TAF6: variants seen among roughly 807,000 people sequenced by gnomAD.
TAF6 encodes TATA-box binding protein associated factor 6.
In TAF6, 50 loss-of-function variants were observed where a neutral mutation model predicts 73.5. The ratio of observed to expected loss-of-function variants is 0.68; its 90% CI spans 0.54 to 0.86. The LOEUF (loss-of-function observed/expected upper bound fraction) is 0.86. Among genes scored for constraint, TAF6 ranks in the 40% least tolerant of loss-of-function variants. TAF6 has a pLI of 0.00. For missense variants in TAF6, 768 were observed against 899.5 expected (o/e 0.85, Z 1.87); for synonymous variants, 424 against 376.7 (o/e 1.13, Z -1.45).
upstream of TAF6, chr7:100,121,116 A>ATATATACATATAT (rs1584585316): frequency 1.9e-5 from 1 of 52,800 alleles, no homozygotes. Flanking sequence ...ATATATATAT[A>ATATATACATATAT]TTTTTTTTTT....
At chr7:100,122,088 C>A, upstream of TAF6, 4 of 638,516 alleles carry the variant, frequency 6.3e-6, no homozygotes, top group Non-Finnish European at 7.7e-6. Context: ...CGAGGCACAG[C>A]AAGCAGGAAG....
chr7:100,111,657 G>C, intron 9 of TAF6, 71 bp downstream of exon 9: 1 of 1,509,146 alleles, frequency 6.6e-7, no homozygotes, highest in Non-Finnish European at 9.2e-7. Flanking sequence ...AGCCACTGCT[G>C]ACCACTGACT....
upstream of TAF6, among the ~76,000 whole-genome samples, chr7:100,120,854 C>T (rs1413192739): frequency 6.6e-6 from 1 of 151,942 alleles, no homozygotes; most frequent in Non-Finnish European, 1.5e-5. Flanking sequence ...CACAGCTTGT[C>T]ATCCTTGGTT....
rs751129220 is a variant in TAF6 at position 100,112,858 on chromosome 7, G to A, written c.514C>T (p.Gln172Ter). The A allele has an allele frequency of 6.2e-7, 1 of 1,613,958 alleles. No individual in the cohort carries two copies. Among genetic ancestry groups the A allele is most frequent in the Non-Finnish European group, 8.5e-7 (1 of 1,179,876 alleles). The change falls in exon 6 of 15, where the codon CAG becomes TAG. Residue 172 changes from glutamine (Q) to a stop codon, truncating the protein, a stop_gained. Coordinates refer to ENST00000453269, the MANE Select transcript of TAF6 (RefSeq NM_139315.3). LOFTEE classifies it high-confidence loss of function. ...CCCTTCAGGGGTCCGTCTTCCTCCT[G>A]GCCTGGCTTGGCTGACTTCAGGGGT... ...TEPLKSAKPG[Q>*]EEDGPLKGKG...
chr7:100,113,063 G>C (rs1305929076), intron 5 of TAF6, 146 bp from the exon 6 acceptor site: 2 of 1,215,006 alleles, frequency 1.6e-6, no homozygotes, highest in Admixed American at 4.7e-5. Context: ...TCAGAAGTTC[G>C]AGACCAGCCT....
chr7:100,112,009 G>A lies in TAF6; in HGVS notation c.721-10C>T. Reference sequence around the variant, plus strand: ...TGCTTTGCAGGGCTTCCTGTGGGAGGAGGGAAGCCAGTCAGGTGGGGGTGG... The same window carrying A: ...TGCTTTGCAGGGCTTCCTGTGGGAGAAGGGAAGCCAGTCAGGTGGGGGTGG... On this transcript the variant is annotated splice_polypyrimidine_tract_variant and intron_variant, in intron 7 of 14. Coordinates refer to ENST00000453269, the MANE Select transcript of TAF6 (RefSeq NM_139315.3). The A allele has an allele frequency of 6.2e-7, 1 of 1,613,998 alleles. No homozygotes were observed. Among genetic ancestry groups the A allele is most frequent in the South Asian group, 1.1e-5 (1 of 91,076 alleles).
chr7:100,110,253 G>A lies in TAF6; in HGVS notation c.1105C>T (p.Pro369Ser), dbSNP rs1264665199. 3 of 1,614,112 alleles carry A rather than the reference G, an allele frequency of 1.9e-6. No homozygotes were observed. Among genetic ancestry groups the A allele is most frequent in the Non-Finnish European group, 2.5e-6 (3 of 1,180,002 alleles). ...ATGGAGCCATAACGAGTCGTCCAGG[G>A]CGTCTTCTCGTCCACCCAGCTCTGT... ...FTKSWVDEKT[P>S]WTTRYGSIAG... Residue 369 changes from proline (P) to serine (S), a missense_variant, in exon 11 of 15, where the codon CCC becomes TCC. Transcript: ENST00000453269.
At chr7:100,119,757 C>G, upstream of TAF6, 1 of 1,614,084 alleles carries the variant, frequency 6.2e-7, no homozygotes, top group Non-Finnish European at 8.5e-7. Context: ...GGGACCTGTG[C>G]GGTTGGGAAT....
At chr7:100,119,777 CCTTT>C (rs779098085), upstream of TAF6, 2 of 1,614,094 alleles carry the variant, frequency 1.2e-6, no homozygotes, top group Admixed American at 1.7e-5. Context: ...TATTGCTTTT[CCTTT>C]TTTTGGCCGT....
chr7:100,113,283 A>C (rs75828513), intron 5 of TAF6, 66 bp downstream of exon 5: 2 of 925,256 alleles, frequency 2.2e-6, no homozygotes, highest in Non-Finnish European at 3.0e-6. Flanking sequence ...ACTCTGTCTC[A>C]AAAAAAAAAG....
At chr7:100,114,999 G>A (rs1797556360) in intron 1 of TAF6, among the ~76,000 whole-genome samples, 1 of 152,156 alleles carries the variant, frequency 6.6e-6, no homozygotes, top group Non-Finnish European at 1.5e-5. Context: ...TGGGACTATA[G>A]GTGTGTACCA....
upstream of TAF6, chr7:100,122,625 C>G (rs1159334891): frequency 1.3e-6 from 2 of 1,536,932 alleles, no homozygotes; most frequent in South Asian, 2.5e-5. Flanking sequence ...ATACAAAGAT[C>G]TGTATCCCCT....
rs189910650 is a variant in TAF6 at position 100,107,701 on chromosome 7, G to A, written c.1657-78C>T. 534 of 1,549,346 alleles carry A rather than the reference G, an allele frequency of 3.4e-4. 1 individual carries two copies. In the African/African-American group the frequency reaches 5.8e-3, roughly 17 times the overall value. On this transcript the variant is annotated intron_variant, in intron 14 of 14. Transcript: ENST00000453269. Reference sequence around the variant, plus strand: ...GAGGCCTGGCGAGGACGCTTCACTCGCTCCCTGCCTGAACAAGTTGTTCCT... The same window carrying A: ...GAGGCCTGGCGAGGACGCTTCACTCACTCCCTGCCTGAACAAGTTGTTCCT...
Position 100,114,134 on chromosome 7 carries a change from T to A in TAF6, c.76A>T (p.Met26Leu), listed in dbSNP as rs182080362. 1,031 of 1,614,244 alleles carry A rather than the reference T, an allele frequency of 6.4e-4. 6 individuals carry two copies. Among genetic ancestry groups the A allele is most frequent in the East Asian group, 1.8e-4 (8 of 44,884 alleles). The change falls in exon 2 of 15, where the codon ATG becomes TTG. Residue 26 changes from methionine to leucine, a missense_variant. By Grantham distance (15) the Met-to-Leu change is conservative. Transcript: ENST00000453269. ...SESMKVVAES[M>L]GIAQIQEETC... ...TCCTCCTGAATCTGGGCGATGCCCA[T>A]GGATTCAGCCACCACCTTCATGGAC...
At chr7:100,119,652 A>AG, upstream of TAF6, 2 of 1,609,950 alleles carry the variant, frequency 1.2e-6, no homozygotes, top group Non-Finnish European at 1.7e-6. Flanking sequence ...GCTGGATTTA[A>AG]GGTTGCCGCT....
chr7:100,122,864 T>C (rs1041590237), upstream of TAF6: 1 of 1,613,634 alleles, frequency 6.2e-7, no homozygotes. Context: ...CTCTGGAGCT[T>C]TGGGATGAGC....
At chr7:100,122,482 G>A (rs1231290899), upstream of TAF6, 1 of 1,614,074 alleles carries the variant, frequency 6.2e-7, no homozygotes, top group South Asian at 1.1e-5. Flanking sequence ...TTTCCACAGA[G>A]AGACAAGGCT....
At chr7:100,110,653 A>G (rs1797088106) in intron 10 of TAF6, among the ~76,000 whole-genome samples, 1 of 152,168 alleles carries the variant, frequency 6.6e-6, no homozygotes, top group Non-Finnish European at 1.5e-5. Context: ...CTCTACTAAA[A>G]ACACAAAATT....
At chr7:100,124,175 C>T (rs1452917746), upstream of TAF6, among the ~76,000 whole-genome samples, 1 of 151,662 alleles carries the variant, frequency 6.6e-6, no homozygotes, top group East Asian at 1.9e-4. Context: ...TAATGATATC[C>T]ACCATCACTT....
Sources: gnomAD v4.1 joint callset for allele counts (sites outside exome capture counted in the v4.1 genomes callset) on GRCh38, gnomAD v4.1.1 for gene constraint, MANE v1.5 for transcripts, NCBI Gene and HGNC (gene_info 2026-07-23, HGNC 2026-07-21) for gene names.